ATP6V0D2: variants seen among roughly 807,000 people sequenced by gnomAD.
ATP6V0D2 encodes ATPase H+ transporting V0 subunit d2.
ATP6V0D2 carries 40 observed loss-of-function variants against 40.0 expected under a neutral mutation model. That is an observed-to-expected ratio of 1.00 (90% CI 0.78 to 1.30). The LOEUF (loss-of-function observed/expected upper bound fraction) is 1.30. Ranked by LOEUF, ATP6V0D2 falls within the 50% of genes most tolerant of loss-of-function variation. The pLI, the probability that ATP6V0D2 is intolerant of heterozygous loss-of-function variation, is 0.00. For synonymous variants in ATP6V0D2, 179 were observed against 156.3 expected, an observed-to-expected ratio of 1.15 and a Z score of -1.08; for missense variants, 470 against 423.1, an observed-to-expected ratio of 1.11 and a Z score of -0.97.
intron 1 of ATP6V0D2, among the ~76,000 whole-genome samples, chr8:86,108,285 C>T (rs973877997): frequency 6.6e-6 from 1 of 152,148 alleles, no homozygotes; most frequent in African/African-American, 2.4e-5. Context: ...GGACCACAGG[C>T]ATGTGCCACC....
intron 2 of ATP6V0D2, among the ~76,000 whole-genome samples, chr8:86,134,401 AT>A (rs1381516567): frequency 1.3e-5 from 2 of 152,218 alleles, no homozygotes; most frequent in African/African-American, 4.8e-5. Flanking sequence ...AAGGAGAAAA[AT>A]ATGGGTAAAT....
chr8:86,119,914 A>G (rs1158741253), intron 2 of ATP6V0D2, among the ~76,000 whole-genome samples: 2 of 152,228 alleles, frequency 1.3e-5, no homozygotes, highest in Non-Finnish European at 2.9e-5. Flanking sequence ...GAATCAATAT[A>G]GAATCCTGCA....
chr8:86,134,104 A>G (rs1818864688), intron 2 of ATP6V0D2, among the ~76,000 whole-genome samples: 1 of 152,174 alleles, frequency 6.6e-6, no homozygotes, highest in Non-Finnish European at 1.5e-5. Flanking sequence ...AGAGAGAAGC[A>G]ATTTGAACCA....
At position 86,142,921 on chromosome 8, in the gene ATP6V0D2, T is replaced by C; in HGVS notation, c.606T>C (p.Asp202=). Residue 202 remains aspartate, a synonymous_variant, in exon 5 of 8, where the codon GAT becomes GAC. Transcript: ENST00000285393. Reference sequence around the variant, plus strand: ...ATAAATTCTGTAAGAATCATGGTGATGTCACAGCAGAAGTTATGTGTCCCA... The same window carrying C: ...ATAAATTCTGTAAGAATCATGGTGACGTCACAGCAGAAGTTATGTGTCCCA... ...AFYKFCKNHG[D]VTAEVMCPIL... is the part of the protein sequence containing the mutation. 3 of 1,611,002 alleles carry C rather than the reference T, an allele frequency of 1.9e-6. No homozygotes were observed. The highest frequency in any genetic ancestry group is 2.5e-6 in the Non-Finnish European group (3 of 1,178,246).
intron 2 of ATP6V0D2, among the ~76,000 whole-genome samples, chr8:86,131,676 T>C (rs1047211791): frequency 1.3e-5 from 2 of 151,544 alleles, no homozygotes; most frequent in African/African-American, 4.9e-5. Flanking sequence ...AATTCTTGTA[T>C]TTTTAGTACA....
At chr8:86,135,856 C>G (rs1818888985) in intron 2 of ATP6V0D2, among the ~76,000 whole-genome samples, 1 of 152,126 alleles carries the variant, frequency 6.6e-6, no homozygotes, top group Non-Finnish European at 1.5e-5. Flanking sequence ...TCAAAAATTA[C>G]TCAGGCAATG....
intron 1 of ATP6V0D2, among the ~76,000 whole-genome samples, chr8:86,111,717 A>G (rs901872968): frequency 3.3e-5 from 5 of 152,306 alleles, no homozygotes; most frequent in Non-Finnish European, 7.3e-5. Flanking sequence ...ACCTGTACTA[A>G]GTCATCGAAT....
At chr8:86,106,498 A>G (rs770411685) in intron 1 of ATP6V0D2, among the ~76,000 whole-genome samples, 4 of 152,202 alleles carry the variant, frequency 2.6e-5, no homozygotes, top group Non-Finnish European at 5.9e-5. Flanking sequence ...GATCCAAAAT[A>G]TCTGAAGATG....
intron 2 of ATP6V0D2, among the ~76,000 whole-genome samples, chr8:86,133,638 A>T (rs1818858819): frequency 6.6e-6 from 1 of 151,976 alleles, no homozygotes; most frequent in Admixed American, 6.6e-5. Context: ...GAAAATCTTC[A>T]GATAATAATG....
intron 2 of ATP6V0D2, among the ~76,000 whole-genome samples, chr8:86,120,309 G>A (rs955206743): frequency 6.6e-6 from 1 of 152,152 alleles, no homozygotes; most frequent in African/African-American, 2.4e-5. Flanking sequence ...TCTGAGGCAG[G>A]AGGATTGCTT....
intron 2 of ATP6V0D2, among the ~76,000 whole-genome samples, chr8:86,114,464 A>T (rs574370528): frequency 1.3e-5 from 2 of 152,042 alleles, no homozygotes; most frequent in Non-Finnish European, 2.9e-5. Context: ...GAGGTCAGGA[A>T]TTCGAGACCA....
chr8:86,139,161 G>C (rs1818939317), intron 2 of ATP6V0D2, among the ~76,000 whole-genome samples: 1 of 151,632 alleles, frequency 6.6e-6, no homozygotes, highest in Admixed American at 6.6e-5. Flanking sequence ...CCAGGAGGCG[G>C]AGGTTGCAGT....
At position 86,098,973 on chromosome 8, in the gene ATP6V0D2, T is replaced by TC; in HGVS notation, c.-1dup. 1 of 1,613,112 alleles carries TC rather than the reference T, an allele frequency of 6.2e-7. No individual in the cohort carries two copies. The highest frequency in any genetic ancestry group is 8.5e-7 in the Non-Finnish European group (1 of 1,179,676). ...TCACCCTACCTTGGCTTCAATCTCT[T>TC]CCCCCATGCTCGAAGGTGCGGAGCT... On this transcript the variant is annotated 5_prime_UTR_variant, in exon 1 of 8. Coordinates refer to ENST00000285393, the MANE Select transcript of ATP6V0D2 (RefSeq NM_152565.1).
chr8:86,112,263 CAT>C (rs968358042), intron 1 of ATP6V0D2, among the ~76,000 whole-genome samples: 16 of 152,262 alleles, frequency 1.1e-4, no homozygotes, highest in Admixed American at 9.2e-4. Context: ...AATTCAGATG[CAT>C]GAGAGTGAAT....
chr8:86,108,406 C>G (rs1289907785), intron 1 of ATP6V0D2, among the ~76,000 whole-genome samples: 1 of 152,120 alleles, frequency 6.6e-6, no homozygotes. Context: ...CCTCCCAAAC[C>G]CCTTGGATTA....
chr8:86,129,726 C>T (rs1273667438), intron 2 of ATP6V0D2, among the ~76,000 whole-genome samples: 2 of 151,870 alleles, frequency 1.3e-5, no homozygotes, highest in East Asian at 3.9e-4. Context: ...TTGCTTGAAC[C>T]CAGGAGGCAG....
In ATP6V0D2 at chr8:86,151,509, A is replaced by T; in HGVS notation, c.860A>T (p.Lys287Met). ...GAAGCTGTAGGTGGCAGTGGGGGAA[A>T]GACATTGGAGGACGTGTTTTACGAG... The part of the protein sequence containing the change: ...LFEAVGGSGG[K>M]TLEDVFYERE... Residue 287 changes from lysine (K) to methionine (M), a missense_variant, in exon 7 of 8, where the codon AAG becomes ATG. By Grantham distance (95) the Lys-to-Met change is moderately conservative. Transcript: ENST00000285393. The T allele has an allele frequency of 1.9e-6, 3 of 1,608,296 alleles. No homozygotes were observed. Among genetic ancestry groups the T allele is most frequent in the Non-Finnish European group, 2.5e-6 (3 of 1,177,584 alleles).
intron 6 of ATP6V0D2, among the ~76,000 whole-genome samples, chr8:86,150,564 A>G (rs1272885559): frequency 6.6e-6 from 1 of 152,072 alleles, no homozygotes; most frequent in African/African-American, 2.4e-5. Context: ...TGATAAAGCA[A>G]GTTCCCCCAG....
intron 2 of ATP6V0D2, among the ~76,000 whole-genome samples, chr8:86,131,208 G>A (rs1818821484): frequency 6.6e-6 from 1 of 151,722 alleles, no homozygotes; most frequent in Non-Finnish European, 1.5e-5. Context: ...TATTTTGTGT[G>A]GGAGGTGGGG....
Sources: allele counts gnomAD v4.1 joint callset (sites outside exome capture counted in the v4.1 genomes callset), GRCh38; gene constraint gnomAD v4.1.1; transcripts MANE v1.5; gene names NCBI Gene and HGNC (gene_info 2026-07-23, HGNC 2026-07-21).